Variants in HMX1 observed in about 807,000 individuals in gnomAD.
HMX1 encodes the protein homeobox protein HMX1.
Under a neutral mutation model 8.9 loss-of-function variants are expected in HMX1, and 8 were observed. That is an observed-to-expected ratio of 0.90 (90% confidence interval 0.53 to 1.63). The LOEUF (loss-of-function observed/expected upper bound fraction) is 1.63, where lower values mean the gene tolerates loss of function less well. Among genes scored for constraint, HMX1 ranks in the 40% most tolerant of loss-of-function variants. The pLI is 0.00. For missense variants in HMX1, 621 were observed against 558.5 expected, an observed-to-expected ratio of 1.11 and a Z score of -1.13; for synonymous variants, 311 against 283.4, an observed-to-expected ratio of 1.10 and a Z score of -0.98.
intron 1 of HMX1, among the ~76,000 whole-genome samples, chr4:8,855,750 TGAG>T (rs1721591018): frequency 1.3e-5 from 2 of 152,034 alleles, no homozygotes; most frequent in Non-Finnish European, 2.9e-5. Context: ...TTCAAGCAGC[TGAG>T]GAGGTGCACG....
At chr4:8,860,490 G>C (rs952629873) in intron 1 of HMX1, among the ~76,000 whole-genome samples, 1 of 152,236 alleles carries the variant, frequency 6.6e-6, no homozygotes, top group African/African-American at 2.4e-5. Flanking sequence ...CTTTCCCAAA[G>C]CCACACAGCG....
rs150123065 is a variant in HMX1, at chr4:8,868,903, G to T, written c.395-558C>A. Among the ~76,000 whole-genome samples the T allele has an allele frequency of 6.6e-6, 1 of 152,046 alleles. No individual in the cohort carries two copies. Among genetic ancestry groups the T allele is most frequent in the Admixed American group, 6.6e-5 (1 of 15,266 alleles). ...AGGCCTCTTCCCGCGCCCTCTGCCC[G>T]CTTGCACAGAAACATTCCATAGTAG... On this transcript the variant is annotated intron_variant, in intron 1 of 1. Coordinates refer to ENST00000400677, the MANE Select transcript of HMX1 (RefSeq NM_018942.3). The surrounding 1 kb of genome is among the most constrained non-coding windows in gnomAD (Gnocchi z 4.6).
downstream of HMX1, among the ~76,000 whole-genome samples, chr4:8,865,278 A>G (rs955227824): frequency 3.3e-5 from 5 of 152,230 alleles, no homozygotes; most frequent in Non-Finnish European, 5.9e-5. Flanking sequence ...CAGTTGCATC[A>G]CAGCGATAAC....
rs1274773404 is a variant in HMX1, at chr4:8,871,552, G to C, written c.63C>G (p.Ile21Met). 1 of 1,366,984 alleles carries C rather than the reference G, an allele frequency of 7.3e-7. No individual in the cohort carries two copies. Among genetic ancestry groups the C allele is most frequent in the Non-Finnish European group, 9.5e-7 (1 of 1,056,804 alleles). 84.7% of individuals were successfully genotyped at this position (1,366,984 alleles called of 1,614,324 possible). A position where few individuals can be genotyped will look rare whatever the true frequency, so the allele number is the denominator to read the frequency against. The change falls in exon 1 of 2, where the codon ATC becomes ATG. Residue 21 changes from isoleucine (I) to methionine (M), a missense_variant. Physicochemically the swap from Ile to Met is conservative, Grantham distance 10 (BLOSUM62 1). Coordinates refer to ENST00000400677, the MANE Select transcript of HMX1 (RefSeq NM_018942.3). The surrounding 1 kb of genome is among the most constrained non-coding windows in gnomAD (Gnocchi z 4.8). ...TGGCCTCGGCCGCCAGCAGGTTCTC[G>C]ATGAGGAAGGAGGAGGCGCGGGCCG... is the stretch of plus-strand genomic sequence containing the variant. ...ATPARASSFL[I>M]ENLLAAEAKG...
intron 1 of HMX1, among the ~76,000 whole-genome samples, chr4:8,869,537 G>C (rs961278543): frequency 1.3e-5 from 2 of 152,216 alleles, no homozygotes; most frequent in African/African-American, 4.8e-5. Flanking sequence ...CAAGGGGTGC[G>C]CACACTGGTG....
At chr4:8,866,765 CCTG>C (rs1722011739), downstream of HMX1, among the ~76,000 whole-genome samples, 1 of 152,260 alleles carries the variant, frequency 6.6e-6, no homozygotes, top group Non-Finnish European at 1.5e-5. Flanking sequence ...TCTGCCTTCA[CCTG>C]CTCCTGCCTT....
chr4:8,867,190 T>C lies in HMX1; in HGVS notation c.*503A>G, dbSNP rs994515733. 4.6e-5 allele frequency: 45 copies of C among 985,528 alleles called. No individual in the cohort carries two copies. The highest frequency in any genetic ancestry group is 5.2e-5 in the Non-Finnish European group (43 of 830,066). The allele number at this position is 985,528 out of a possible 1,614,324, so 61.0% of individuals were successfully genotyped here. A position where few individuals can be genotyped will look rare whatever the true frequency, so the allele number is the denominator to read the frequency against. ...GATGGGACCCACAGGTCCAGGGTCCTTTCTCCACCAGCACCCGCGAGAGGG... is the reference window on the plus strand; with the variant it reads ...GATGGGACCCACAGGTCCAGGGTCCCTTCTCCACCAGCACCCGCGAGAGGG... On this transcript the variant is annotated 3_prime_UTR_variant, in exon 2 of 2. Coordinates refer to ENST00000400677, the MANE Select transcript of HMX1 (RefSeq NM_018942.3).
intron 1 of HMX1, among the ~76,000 whole-genome samples, chr4:8,856,928 A>G (rs543268637): frequency 6.6e-6 from 1 of 152,256 alleles, no homozygotes; most frequent in South Asian, 2.1e-4. Context: ...TCTCTACAAA[A>G]AATAAAAATT....
intron 1 of HMX1, among the ~76,000 whole-genome samples, chr4:8,856,726 G>C (rs1721617691): frequency 6.6e-6 from 1 of 152,124 alleles, no homozygotes; most frequent in Non-Finnish European, 1.5e-5. Context: ...CTGGTTATAC[G>C]TTCGAATTTC....
rs1721391960 is a variant in HMX1 at position 8,849,901 on chromosome 4, CA to C, written c.395-3578del. Among the ~76,000 whole-genome samples, 2 of 152,228 alleles carry C rather than the reference CA, an allele frequency of 1.3e-5. No homozygotes were observed. Among genetic ancestry groups the C allele is most frequent in the African/African-American group, 4.8e-5 (2 of 41,468 alleles). On this transcript the variant is annotated intron_variant, in intron 1 of 1. Transcript: ENST00000506970. The surrounding 1 kb of genome is among the most constrained non-coding windows in gnomAD (Gnocchi z 6.6). ...AGGGTTCTCTGCCCTTGCTTCCTGTCAGGGGGGCCCGATGGGAGGGACACAG... is the reference window on the plus strand; with the variant it reads ...AGGGTTCTCTGCCCTTGCTTCCTGTCGGGGGGCCCGATGGGAGGGACACAG...
chr4:8,858,664 T>A (rs1553815544), intron 1 of HMX1: 4 of 151,178 alleles, frequency 2.6e-5, no homozygotes, highest in Non-Finnish European at 5.9e-5. Flanking sequence ...CCGGGAGAGG[T>A]CGGCACCGTG....
intron 1 of HMX1, among the ~76,000 whole-genome samples, chr4:8,860,091 C>T (rs963419717): frequency 6.6e-6 from 1 of 152,254 alleles, no homozygotes; most frequent in African/African-American, 2.4e-5. Context: ...TCGTGGAGCG[C>T]CGTTGCGCAC....
Position 8,849,782 on chromosome 4 carries a change from CAGG to C in HMX1, c.395-3461_395-3459del, listed in dbSNP as rs552011130. 1.3e-3 allele frequency among the ~76,000 whole-genome samples: 196 copies of C among 152,342 alleles called. No individual in the cohort carries two copies. The highest frequency in any genetic ancestry group is 4.4e-3 in the African/African-American group (183 of 41,586). ...GGGCAGGAAGAAATGGGGACCCTCA[CAGG>C]AGGTCTCTGAGCTGGAACAGCCCCT... On this transcript the variant is annotated intron_variant, in intron 1 of 1. Transcript: ENST00000506970. The surrounding 1 kb of genome is among the most constrained non-coding windows in gnomAD (Gnocchi z 6.6).
At chr4:8,861,168 C>T (rs1284597378) in intron 1 of HMX1, among the ~76,000 whole-genome samples, 1 of 152,156 alleles carries the variant, frequency 6.6e-6, no homozygotes, top group Non-Finnish European at 1.5e-5. Flanking sequence ...CGGGTCCGGG[C>T]GCCGCTGCCC....
chr4:8,862,182 T>C (rs1482026386), downstream of HMX1, among the ~76,000 whole-genome samples: 1 of 152,238 alleles, frequency 6.6e-6, no homozygotes, highest in Non-Finnish European at 1.5e-5. Flanking sequence ...CTGAAATCAT[T>C]CTACAGAGAC....
chr4:8,857,475 T>A (rs1721645895), intron 1 of HMX1, among the ~76,000 whole-genome samples: 1 of 152,114 alleles, frequency 6.6e-6, no homozygotes, highest in Admixed American at 6.5e-5. Flanking sequence ...CTCCCAGGTC[T>A]CACCCCGAGT....
At chr4:8,861,005 G>C (rs1474511128) in intron 1 of HMX1, among the ~76,000 whole-genome samples, 1 of 151,734 alleles carries the variant, frequency 6.6e-6, no homozygotes, top group Non-Finnish European at 1.5e-5. Flanking sequence ...CCGCGGGGAG[G>C]GGGCGGGGCG....
At chr4:8,857,452 T>A (rs1041886011) in intron 1 of HMX1, among the ~76,000 whole-genome samples, 1 of 152,172 alleles carries the variant, frequency 6.6e-6, no homozygotes, top group African/African-American at 2.4e-5. Context: ...GCGGCTTCCC[T>A]GCTGCGCCGG....
chr4:8,851,912 A>G (rs754364622), intron 1 of HMX1, among the ~76,000 whole-genome samples: 21 of 152,230 alleles, frequency 1.4e-4, no homozygotes, highest in Non-Finnish European at 1.9e-4. Flanking sequence ...AGCGGGCTGG[A>G]GACAGCTCCA....
Sources: allele counts gnomAD v4.1 joint callset (sites outside exome capture counted in the v4.1 genomes callset), GRCh38; gene constraint gnomAD v4.1.1; non-coding constraint Gnocchi (gnomAD v3.1); transcripts MANE v1.5; gene names NCBI Gene and HGNC (gene_info 2026-07-23, HGNC 2026-07-21).